ABCC3: variants seen among roughly 807,000 people sequenced by gnomAD.
ABCC3 encodes the protein ATP-binding cassette sub-family C member 3.
ABCC3 carries 121 observed loss-of-function variants against 165.3 expected under a neutral mutation model. The observed-to-expected ratio is 0.73, with a 90% confidence interval of 0.63 to 0.85. The LOEUF (loss-of-function observed/expected upper bound fraction) is 0.85, where lower values mean the gene tolerates loss of function less well. Ranked by LOEUF, ABCC3 falls within the 40% of genes least tolerant of loss-of-function variation. ABCC3 has a pLI of 0.00. For synonymous variants in ABCC3, 733 were observed against 810.1 expected, an observed-to-expected ratio of 0.90 and a Z score of 1.62; for missense variants, 1,869 against 1,964.1, an observed-to-expected ratio of 0.95 and a Z score of 0.92.
chr17:50,684,329 G>C (rs371491737), intron 28 of ABCC3, among the ~76,000 whole-genome samples: 44 of 152,096 alleles, frequency 2.9e-4, no homozygotes, highest in African/African-American at 9.7e-4. Flanking sequence ...TTGACCTCCT[G>C]GGCCAGCACA....
intron 11 of ABCC3, among the ~76,000 whole-genome samples, chr17:50,666,550 C>T (rs1030286869): frequency 9.9e-5 from 15 of 152,192 alleles, no homozygotes; most frequent in Non-Finnish European, 1.5e-4. Flanking sequence ...GCCATCACCT[C>T]ATTACTTTCT....
chr17:50,658,002 C>G, intron 4 of ABCC3, 80 bp from the exon 5 acceptor site: 1 of 1,600,022 alleles, frequency 6.2e-7, no homozygotes, highest in Non-Finnish European at 8.5e-7. Context: ...GAGACTGATG[C>G]CCCAAGGGAC....
rs757081537 is a variant in ABCC3 at position 50,673,077 on chromosome 17, C to T, written c.2348C>T (p.Ser783Phe). ...LLDDPLSAVD[S>F]HVAKHIFDHV... is the part of the protein sequence containing the mutation. Reference sequence around the variant, plus strand: ...GATGACCCACTGTCCGCGGTGGACTCTCATGTGGCCAAGCACATCTTTGAC... The same window carrying T: ...GATGACCCACTGTCCGCGGTGGACTTTCATGTGGCCAAGCACATCTTTGAC... The change falls in exon 18 of 31, where the codon TCT (serine) becomes TTT (phenylalanine). Residue 783 changes from serine to phenylalanine, a missense_variant. Physicochemically the swap from Ser to Phe is radical, Grantham distance 155. Transcript: ENST00000285238. 4 of 1,614,016 alleles carry T rather than the reference C, an allele frequency of 2.5e-6. No individual in the cohort carries two copies. In the African/African-American group the frequency reaches 5.3e-5, roughly 22 times the overall value.
At chr17:50,669,118 C>T in intron 15 of ABCC3, 22 bp from the exon 16 acceptor site, 2 of 1,591,192 alleles carry the variant, frequency 1.3e-6, no homozygotes, top group Non-Finnish European at 1.7e-6. Context: ...TCTAACTGGA[C>T]TCCTGGGGTC....
At chr17:50,647,066 A>G (rs1967015661) in intron 1 of ABCC3, among the ~76,000 whole-genome samples, 2 of 152,110 alleles carry the variant, frequency 1.3e-5, no homozygotes, top group Middle Eastern at 3.4e-3. Flanking sequence ...TTTAGTAGAG[A>G]CGGGATTTCA....
chr17:50,656,168 C>G (rs1224194940), intron 2 of ABCC3, among the ~76,000 whole-genome samples, 160 bp downstream of exon 2: 3 of 152,206 alleles, frequency 2.0e-5, no homozygotes, highest in African/African-American at 7.2e-5. Context: ...TCACTGCAAC[C>G]TCTGCCTTCT....
chr17:50,661,425 C>A (rs934201492), intron 8 of ABCC3, among the ~76,000 whole-genome samples: 1 of 152,230 alleles, frequency 6.6e-6, no homozygotes, highest in Non-Finnish European at 1.5e-5. Context: ...GATGAGAAAG[C>A]AGGAACTCAG....
Position 50,667,631 on chromosome 17 carries a change from G to A in ABCC3, c.1509G>A (p.Leu503=), listed in dbSNP as rs1225547897. 6.2e-7 allele frequency: 1 copy of A among 1,614,246 alleles called. No homozygotes were observed. Among genetic ancestry groups the A allele is most frequent in the South Asian group, 1.1e-5 (1 of 91,088 alleles). ...TGAACGGCATCAAGGTGCTGAAGCT[G>A]TACGCCTGGGAGCCCAGCTTCCTGA... ...EILNGIKVLK[L]YAWEPSFLKQ... The change falls in exon 12 of 31, where the codon CTG becomes CTA. Residue 503 remains leucine (L), a synonymous_variant. Transcript: ENST00000285238.
Position 50,663,932 on chromosome 17 carries a change from A to T in ABCC3, c.1177-18A>T, listed in dbSNP as rs543294579. ...AAGAGGCTCGCAGCCAAGTCCACCCACTACTGTCTACCTGCAGGCTCTGGT... is the reference window on the plus strand; with the variant it reads ...AAGAGGCTCGCAGCCAAGTCCACCCTCTACTGTCTACCTGCAGGCTCTGGT... On this transcript the variant is annotated intron_variant, in intron 9 of 30. Transcript: ENST00000285238. 2.5e-6 allele frequency: 4 copies of T among 1,614,072 alleles called. No homozygotes were observed. The highest frequency in any genetic ancestry group is 2.5e-6 in the Non-Finnish European group (3 of 1,180,038).
chr17:50,673,982 C>T (rs372769263), intron 19 of ABCC3, among the ~76,000 whole-genome samples: 8,071 of 14,446 alleles, frequency 0.56, 1,886 homozygotes, highest in African/African-American at 0.58. Flanking sequence ...CTTTCTTTCT[C>T]TCTCTCTCTC....
At chr17:50,677,447 G>A (rs1485372607) in intron 23 of ABCC3, among the ~76,000 whole-genome samples, 3 of 152,232 alleles carry the variant, frequency 2.0e-5, no homozygotes, top group East Asian at 1.9e-4. Flanking sequence ...GGCTAGGGGA[G>A]AATCAGATAG....
In ABCC3 at chr17:50,691,636, C is replaced by A; in HGVS notation, c.*436C>A. ...ACCCCTAGGAACTCAGTCCTGTACT[C>A]TGGGGTGCTGCCTGAATCCATTAAA... On this transcript the variant is annotated 3_prime_UTR_variant, in exon 31 of 31. Transcript: ENST00000285238. 1 of 180,672 alleles carries A rather than the reference C, an allele frequency of 5.5e-6. No homozygotes were observed. Among genetic ancestry groups the A allele is most frequent in the East Asian group, 1.4e-4 (1 of 7,322 alleles). 11.2% of individuals were successfully genotyped at this position (180,672 alleles called of 1,614,324 possible).
chr17:50,671,732 T>TTTTG, intron 17 of ABCC3, among the ~76,000 whole-genome samples: 2 of 133,888 alleles, frequency 1.5e-5, no homozygotes, highest in African/African-American at 3.1e-5. Flanking sequence ...TTTTTTTTTT[T>TTTTG]GAGACAAGGC....
Position 50,668,910 on chromosome 17 carries a change from C to T in ABCC3, c.1928C>T (p.Thr643Ile), listed in dbSNP as rs772762605. 1 of 1,614,082 alleles carries T rather than the reference C, an allele frequency of 6.2e-7. No individual in the cohort carries two copies. The highest frequency in any genetic ancestry group is 8.5e-7 in the Non-Finnish European group (1 of 1,179,944). The change falls in exon 15 of 31, where the codon ACT (threonine) becomes ATT (isoleucine). Residue 643 changes from threonine (T) to isoleucine (I), a missense_variant. Physicochemically the swap from Thr to Ile is moderately conservative, Grantham distance 89. Transcript: ENST00000285238. ...TFTWAQDLPP[T>I]LHSLDIQVPK... ...ACCTGGGCCCAGGACCTGCCCCCCA[C>T]TCTGCACAGGTACCAGCTTCTCCCA...
At chr17:50,645,662 A>G (rs1458504107) in intron 1 of ABCC3, among the ~76,000 whole-genome samples, 1 of 152,034 alleles carries the variant, frequency 6.6e-6, no homozygotes, top group Non-Finnish European at 1.5e-5. Context: ...GTGGAGTGGC[A>G]TAATCATGGC....
At chr17:50,687,848 T>G in intron 30 of ABCC3, 118 bp downstream of exon 30, 1 of 1,122,758 alleles carries the variant, frequency 8.9e-7, no homozygotes, top group Non-Finnish European at 1.3e-6. Context: ...TGCTAGGGCA[T>G]GGCAGGCAGA....
At chr17:50,668,142 C>T (rs71381317) in intron 13 of ABCC3, 133 bp downstream of exon 13, 484 of 838,338 alleles carry the variant, frequency 5.8e-4, no homozygotes, top group Non-Finnish European at 8.7e-4. Flanking sequence ...TTATGAAGAG[C>T]TATTCAAGGT....
In ABCC3 at chr17:50,691,224, TG is replaced by T. The variant is rs1968117840; in HGVS notation, c.*26del. On this transcript the variant is annotated 3_prime_UTR_variant, in exon 31 of 31. Transcript: ENST00000285238. The stretch of plus-strand genomic sequence containing the variant: ...AAAATATATTCCTGAGATTTCCTCC[TG>T]GCCTTTCCTGGTTTTCATCAGGAAG... 1 of 1,567,860 alleles carries T rather than the reference TG, an allele frequency of 6.4e-7. No individual in the cohort carries two copies. The highest frequency in any genetic ancestry group is 1.7e-5 in the Admixed American group (1 of 59,782).
chr17:50,649,171 T>G (rs1567825988), intron 1 of ABCC3, among the ~76,000 whole-genome samples: 1 of 151,496 alleles, frequency 6.6e-6, no homozygotes, highest in Non-Finnish European at 1.5e-5. Flanking sequence ...AATAAAAACT[T>G]TAGACAAATT....
Sources: gnomAD v4.1 joint callset for allele counts (sites outside exome capture counted in the v4.1 genomes callset) on GRCh38, gnomAD v4.1.1 for gene constraint, MANE v1.5 for transcripts, NCBI Gene and HGNC (gene_info 2026-07-23, HGNC 2026-07-21) for gene names.